ARHGEF3: variants seen among roughly 807,000 people sequenced by gnomAD.
ARHGEF3 encodes 59.8 kDA protein.
Under a neutral mutation model 63.2 loss-of-function variants are expected in ARHGEF3, and 28 were observed. The ratio of observed to expected loss-of-function variants is 0.44; its 90% CI spans 0.33 to 0.61. The LOEUF is 0.61. ARHGEF3 is among the 20% of genes least tolerant of loss of function. The pLI is 0.03. For missense variants in ARHGEF3, 533 were observed against 659.3 expected (o/e 0.81, Z 2.10); for synonymous variants, 266 against 254.2 (o/e 1.05, Z -0.44).
chr3:56,995,698 G>A (rs1316738263), intron 2 of ARHGEF3, among the ~76,000 whole-genome samples: 2 of 148,582 alleles, frequency 1.3e-5, no homozygotes, highest in African/African-American at 5.0e-5. Flanking sequence ...GTCTCAATTT[G>A]AGACCCCAGT....
intron 1 of ARHGEF3, chr3:56,774,894 A>T: frequency 9.5e-7 from 1 of 1,054,432 alleles, no homozygotes; most frequent in Non-Finnish European, 1.3e-6. Context: ...TGTCAAAAAA[A>T]CAAAAAACAA....
intron 2 of ARHGEF3, among the ~76,000 whole-genome samples, chr3:56,965,726 G>A (rs866253814): frequency 1.3e-4 from 19 of 144,906 alleles, no homozygotes; most frequent in Admixed American, 2.9e-4. Flanking sequence ...TCGGCTCACT[G>A]CAACCTCTGC....
At chr3:57,049,437 C>T (rs956160987) in intron 1 of ARHGEF3, among the ~76,000 whole-genome samples, 18 of 152,106 alleles carry the variant, frequency 1.2e-4, no homozygotes, top group African/African-American at 4.1e-4. Context: ...GGGCTGCTCT[C>T]GAAACTGGAG....
chr3:56,756,635 C>T (rs1046257087), intron 2 of ARHGEF3, among the ~76,000 whole-genome samples: 1 of 151,096 alleles, frequency 6.6e-6, no homozygotes, highest in East Asian at 1.9e-4. Flanking sequence ...CTGCAAGCCC[C>T]GCCTCCTGGG....
At chr3:56,815,345 T>C (rs760939840) in intron 4 of ARHGEF3, among the ~76,000 whole-genome samples, 7 of 152,120 alleles carry the variant, frequency 4.6e-5, no homozygotes, top group Non-Finnish European at 8.8e-5. Context: ...AGTATTATCT[T>C]GATTTTATGC....
intron 2 of ARHGEF3, among the ~76,000 whole-genome samples, chr3:56,769,167 A>G (rs1337730923): frequency 6.6e-6 from 1 of 152,250 alleles, no homozygotes; most frequent in Non-Finnish European, 1.5e-5. Flanking sequence ...GGGCTACATC[A>G]CAACATCATG....
intron 1 of ARHGEF3, among the ~76,000 whole-genome samples, chr3:57,069,058 G>C (rs932447276): frequency 6.6e-6 from 1 of 151,836 alleles, no homozygotes; most frequent in Non-Finnish European, 1.5e-5. Flanking sequence ...TAGTAACTGG[G>C]ATTACAGGCA....
intron 1 of ARHGEF3, among the ~76,000 whole-genome samples, chr3:56,796,451 T>C (rs2037372950): frequency 6.6e-6 from 1 of 152,216 alleles, no homozygotes; most frequent in Non-Finnish European, 1.5e-5. Context: ...TGCAGAATTC[T>C]GCCAAAGACC....
chr3:56,911,262 G>C (rs1293374911), intron 3 of ARHGEF3, among the ~76,000 whole-genome samples: 3 of 152,246 alleles, frequency 2.0e-5, no homozygotes, highest in Middle Eastern at 3.4e-3. Context: ...ACTTGGAAGG[G>C]AGAGATGGGG....
At chr3:57,021,824 AGAAAG>A (rs1703272343) in intron 2 of ARHGEF3, among the ~76,000 whole-genome samples, 1 of 152,180 alleles carries the variant, frequency 6.6e-6, no homozygotes, top group African/African-American at 2.4e-5. Flanking sequence ...CATACTGACT[AGAAAG>A]GAAGGGAAAA....
chr3:56,762,507 G>T (rs79759194), intron 2 of ARHGEF3, among the ~76,000 whole-genome samples: 3,095 of 152,254 alleles, frequency 0.02, 46 homozygotes, highest in Non-Finnish European at 0.033. Context: ...GGGGTGGCAT[G>T]TGCGCTTTAC....
At chr3:56,801,566 G>T in intron 1 of ARHGEF3, 137 bp downstream of exon 1, 1 of 1,174,438 alleles carries the variant, frequency 8.5e-7, no homozygotes, top group Non-Finnish European at 1.2e-6. Context: ...GAGATGTAGA[G>T]AGAGAAAGTG....
In ARHGEF3 at chr3:56,745,301, A is replaced by C; in HGVS notation, c.774T>G (p.Ile258Met). The C allele has an allele frequency of 6.2e-7, 1 of 1,614,052 alleles. No individual in the cohort carries two copies. The change falls in exon 7 of 10, where the codon ATT (isoleucine) becomes ATG (methionine). Residue 258 changes from isoleucine to methionine, a missense_variant. By Grantham distance (10) the Ile-to-Met change is conservative (BLOSUM62 1). Transcript: ENST00000296315. ...GGTATTTTACCAGGCGGCTTCTTGG[A>C]ATATCGAGGAAATTCCAGAGATCTA... ...RKLDLWNFLD[I>M]PRSRLVKYPL...
Position 57,033,415 on chromosome 3 carries a change from GTA to G in ARHGEF3, c.62+1671_62+1672del, listed in dbSNP as rs1491101321. On this transcript the variant is annotated intron_variant, in intron 2 of 12. Transcript: ENST00000338458. ...TGGATATACTATTCACTTGGCTGCA[GTA>G]AAAAAAAAAAAAAAATGTAGATTCA... is the stretch of plus-strand genomic sequence containing the variant. Among the ~76,000 whole-genome samples the G allele has an allele frequency of 3.6e-3, 499 of 140,222 alleles. 2 individuals are homozygous for G. The highest frequency in any genetic ancestry group is 0.022 in the Middle Eastern group (6 of 268). The allele number at this position is 140,222 out of a possible 152,430, so 92.0% of individuals were successfully genotyped here.
At chr3:56,731,831 A>T in intron 9 of ARHGEF3, 1 of 288,474 alleles carries the variant, frequency 3.5e-6, no homozygotes, top group African/African-American at 2.2e-5. Flanking sequence ...GACCATTCTT[A>T]TGTCTCTTTA....
chr3:56,909,245 C>T (rs2041788724), intron 3 of ARHGEF3, among the ~76,000 whole-genome samples: 1 of 152,200 alleles, frequency 6.6e-6, no homozygotes, highest in Admixed American at 6.6e-5. Context: ...TACACATGAA[C>T]TCAGGAAGGC....
At chr3:56,995,638 AGAGAGAG>A (rs1701947866) in intron 2 of ARHGEF3, among the ~76,000 whole-genome samples, 1 of 98,464 alleles carries the variant, frequency 1.0e-5, no homozygotes, top group East Asian at 5.4e-4. Context: ...AGAGAGAGAG[AGAGAGAG>A]AGAGAGAGAG....
chr3:56,849,532 T>C (rs1248125622), intron 4 of ARHGEF3, among the ~76,000 whole-genome samples: 3 of 152,008 alleles, frequency 2.0e-5, no homozygotes, highest in African/African-American at 4.8e-5. Flanking sequence ...AAGGAGAAAA[T>C]ACACGCTAAG....
At chr3:56,911,179 C>T (rs2041843767) in intron 3 of ARHGEF3, among the ~76,000 whole-genome samples, 1 of 152,014 alleles carries the variant, frequency 6.6e-6, no homozygotes, top group Non-Finnish European at 1.5e-5. Context: ...GAGAGGACAC[C>T]TGGGGTTTAT....
Sources: gnomAD v4.1 joint callset for allele counts (sites outside exome capture counted in the v4.1 genomes callset) on GRCh38, gnomAD v4.1.1 for gene constraint, MANE v1.5 for transcripts, NCBI Gene and HGNC (gene_info 2026-07-23, HGNC 2026-07-21) for gene names.